The following NLGN1 variants were observed in gnomAD, a reference collection of about 807,000 sequenced individuals.
NLGN1 encodes neuroligin-1.
Under a neutral mutation model 65.5 loss-of-function variants are expected in NLGN1, and 12 were observed. The observed-to-expected ratio is 0.18, with a 90% CI of 0.12 to 0.30. The LOEUF (loss-of-function observed/expected upper bound fraction) is 0.30. Ranked by LOEUF, NLGN1 falls within the 10% of genes least tolerant of loss-of-function variation. NLGN1 has a pLI of 1.00. For synonymous variants in NLGN1, 350 were observed against 359.5 expected (o/e 0.97, Z 0.30); for missense variants, 750 against 1,007.1 (o/e 0.74, Z 3.46).
chr3:173,769,263 T>C (rs955128103), intron 3 of NLGN1, among the ~76,000 whole-genome samples: 3 of 152,204 alleles, frequency 2.0e-5, no homozygotes, highest in Non-Finnish European at 4.4e-5. Context: ...AGTGGTTCAC[T>C]GTTTCTTCCA....
At chr3:173,782,204 G>C (rs1455547873) in intron 3 of NLGN1, among the ~76,000 whole-genome samples, 3 of 152,016 alleles carry the variant, frequency 2.0e-5, no homozygotes, top group Non-Finnish European at 4.4e-5. Context: ...GGGAAAGACA[G>C]GGTGTTGAAA....
intron 4 of NLGN1, among the ~76,000 whole-genome samples, chr3:174,070,927 C>T (rs565333859): frequency 9.2e-5 from 14 of 152,110 alleles, no homozygotes; most frequent in Middle Eastern, 3.4e-3. Flanking sequence ...GTGGTAGATG[C>T]ACATGTGGTT....
intron 3 of NLGN1, among the ~76,000 whole-genome samples, chr3:173,648,987 T>C (rs1180501121): frequency 6.6e-6 from 1 of 152,170 alleles, no homozygotes; most frequent in African/African-American, 2.4e-5. Flanking sequence ...TTTCTATTAG[T>C]ATGAAACCCA....
At chr3:173,418,724 C>T (rs1714306632) in intron 1 of NLGN1, among the ~76,000 whole-genome samples, 1 of 152,180 alleles carries the variant, frequency 6.6e-6, no homozygotes, top group African/African-American at 2.4e-5. Flanking sequence ...CTGTTTCTTT[C>T]TTTAACATCA....
At chr3:174,089,407 G>A (rs1744079079) in intron 4 of NLGN1, among the ~76,000 whole-genome samples, 1 of 152,016 alleles carries the variant, frequency 6.6e-6, no homozygotes, top group Non-Finnish European at 1.5e-5. Context: ...TCATGAAATT[G>A]TGGTCTCTGC....
At chr3:174,145,090 G>A (rs1722962057) in intron 4 of NLGN1, among the ~76,000 whole-genome samples, 1 of 152,092 alleles carries the variant, frequency 6.6e-6, no homozygotes, top group South Asian at 2.1e-4. Context: ...TAAGGTGTAA[G>A]GAAGGGGTCC....
intron 4 of NLGN1, among the ~76,000 whole-genome samples, chr3:174,040,015 G>A (rs1194763504): frequency 6.6e-6 from 1 of 152,098 alleles, no homozygotes. Context: ...ATCTTTGTGA[G>A]GCCAATATTC....
chr3:174,212,801 C>T (rs1283340874), intron 4 of NLGN1, among the ~76,000 whole-genome samples: 2 of 152,196 alleles, frequency 1.3e-5, no homozygotes, highest in Non-Finnish European at 2.9e-5. Flanking sequence ...AGATGTGTTC[C>T]TTCCTGAAGG....
At chr3:173,828,038 C>G (rs1721721707) in intron 4 of NLGN1, among the ~76,000 whole-genome samples, 1 of 152,002 alleles carries the variant, frequency 6.6e-6, no homozygotes. Context: ...ATCCCTTAGC[C>G]CAGTCACATT....
At chr3:173,736,754 A>G (rs1051442880) in intron 3 of NLGN1, among the ~76,000 whole-genome samples, 8 of 152,064 alleles carry the variant, frequency 5.3e-5, no homozygotes, top group South Asian at 2.1e-4. Context: ...TCTAAACCCA[A>G]TTCACTTACA....
intron 4 of NLGN1, among the ~76,000 whole-genome samples, chr3:174,167,232 A>C (rs2152728033): frequency 6.6e-6 from 1 of 152,122 alleles, no homozygotes; most frequent in South Asian, 2.1e-4. Context: ...TGAAGTTGTT[A>C]GCTGGTTGTT....
At chr3:173,934,532 A>C (rs1314898660) in intron 4 of NLGN1, among the ~76,000 whole-genome samples, 1 of 151,966 alleles carries the variant, frequency 6.6e-6, no homozygotes, top group African/African-American at 2.4e-5. Flanking sequence ...ATGGAGGATA[A>C]GAATTACTTT....
intron 3 of NLGN1, among the ~76,000 whole-genome samples, chr3:173,703,961 G>A (rs913528183): frequency 6.6e-6 from 1 of 152,198 alleles, no homozygotes; most frequent in Non-Finnish European, 1.5e-5. Context: ...CCTGCATGGA[G>A]CCTTTTGTTG....
intron 4 of NLGN1, among the ~76,000 whole-genome samples, chr3:174,203,706 T>C (rs1734914707): frequency 6.6e-6 from 1 of 152,202 alleles, no homozygotes; most frequent in Admixed American, 6.5e-5. Context: ...GACTAGGGTT[T>C]GTGTAATTGT....
intron 4 of NLGN1, among the ~76,000 whole-genome samples, chr3:174,181,527 C>T (rs904602588): frequency 3.9e-5 from 6 of 152,122 alleles, no homozygotes; most frequent in Admixed American, 3.9e-4. Context: ...CTTCTGATAG[C>T]AAAGACAATA....
At chr3:173,516,458 TG>T (rs1733833270) in intron 2 of NLGN1, among the ~76,000 whole-genome samples, 1 of 152,076 alleles carries the variant, frequency 6.6e-6, no homozygotes, top group African/African-American at 2.4e-5. Flanking sequence ...CTGAACTTTT[TG>T]TATCAGCTAA....
At position 173,605,446 on chromosome 3, in the gene NLGN1, G is replaced by C. The variant is rs906818842; in HGVS notation, c.493+355G>C. 7.0e-5 allele frequency: 42 copies of C among 597,436 alleles called. No homozygotes were observed. The Admixed American group carries it at 1.0e-3, about 14-fold the overall frequency. The allele number at this position is 597,436 out of a possible 1,614,324, so 37.0% of individuals were successfully genotyped here. A position where few individuals can be genotyped will look rare whatever the true frequency, so the allele number is the denominator to read the frequency against. On this transcript the variant is annotated intron_variant, in intron 3 of 6. Coordinates refer to ENST00000457714, the Ensembl canonical transcript of NLGN1. ...TCTTTCGCACTCAGTAAATGCAGGA[G>C]CGTATTGAGTTAGATAGTGGTGTTG...
intron 4 of NLGN1, among the ~76,000 whole-genome samples, chr3:173,810,928 A>G (rs1198191923): frequency 6.6e-6 from 1 of 152,158 alleles, no homozygotes; most frequent in East Asian, 1.9e-4. Context: ...TGGAAATGCT[A>G]TTGGAAGTGA....
intron 2 of NLGN1, among the ~76,000 whole-genome samples, chr3:173,481,144 A>G (rs1363021310): frequency 6.6e-6 from 1 of 152,050 alleles, no homozygotes; most frequent in Non-Finnish European, 1.5e-5. Flanking sequence ...TGTGCCCCCA[A>G]TAACACAATA....
Sources: gnomAD v4.1 joint callset for allele counts (sites outside exome capture counted in the v4.1 genomes callset) on GRCh38, gnomAD v4.1.1 for gene constraint, MANE v1.5 for transcripts, NCBI Gene and HGNC (gene_info 2026-07-23, HGNC 2026-07-21) for gene names.